Variants in PRKCE observed in about 807,000 individuals in gnomAD.
The protein encoded by PRKCE is protein kinase C epsilon, also known as protein kinase C epsilon type.
Under a neutral mutation model 85.4 loss-of-function variants are expected in PRKCE, and 16 were observed. That is an observed-to-expected ratio of 0.19 (90% CI 0.13 to 0.28). The LOEUF (loss-of-function observed/expected upper bound fraction) is 0.28, where lower values mean the gene tolerates loss of function less well. Ranked by LOEUF, PRKCE falls within the 10% of genes least tolerant of loss-of-function variation. PRKCE has a pLI of 1.00. For synonymous variants in PRKCE, 388 were observed against 371.5 expected (o/e 1.04, Z -0.51); for missense variants, 573 against 975.2 (o/e 0.59, Z 5.49).
At position 46,004,394 on chromosome 2, in the gene PRKCE, C is replaced by A; in HGVS notation, c.967-148C>A. 1 of 674,758 alleles carries A rather than the reference C, an allele frequency of 1.5e-6. No individual in the cohort carries two copies. The highest frequency in any genetic ancestry group is 2.5e-6 in the Non-Finnish European group (1 of 397,776). 41.8% of individuals were successfully genotyped at this position (674,758 alleles called of 1,614,324 possible). A position where few individuals can be genotyped will look rare whatever the true frequency, so the allele number is the denominator to read the frequency against. ...TCGAACTTCATTTTGGCTACTTTGG[C>A]GATGGCTGCAAGAGGACAGAGATCT... On this transcript the variant is annotated intron_variant, in intron 7 of 14. Coordinates refer to ENST00000306156, the MANE Select transcript of PRKCE (RefSeq NM_005400.3). This position sits in a 1 kb window ranked among gnomAD's most constrained non-coding sequence, Gnocchi z 4.1.
At chr2:45,686,246 G>A (rs1321244655) in intron 1 of PRKCE, 4 of 152,092 alleles carry the variant, frequency 2.6e-5, no homozygotes, top group African/African-American at 9.7e-5. Context: ...AAATCCCAGA[G>A]CTGAAATCAG....
intron 3 of PRKCE, among the ~76,000 whole-genome samples, chr2:45,977,000 G>A (rs1386817962): frequency 1.3e-5 from 2 of 151,766 alleles, no homozygotes; most frequent in Non-Finnish European, 2.9e-5. Context: ...AGGTTCAAGT[G>A]ATTCTCATGC....
intron 14 of PRKCE, among the ~76,000 whole-genome samples, chr2:46,174,169 G>GTGGGGAAGGGGCCTT (rs1679188332): frequency 6.6e-6 from 1 of 152,248 alleles, no homozygotes; most frequent in African/African-American, 2.4e-5. Flanking sequence ...GAAGGGGCCT[G>GTGGGGAAGGGGCCTT]TGAGGCCCAG....
intron 1 of PRKCE, among the ~76,000 whole-genome samples, chr2:45,773,927 C>A (rs1343470153): frequency 6.6e-6 from 1 of 152,226 alleles, no homozygotes; most frequent in African/African-American, 2.4e-5. Flanking sequence ...GTGGAGCAGG[C>A]CTTCAGCAAA....
intron 6 of PRKCE, among the ~76,000 whole-genome samples, chr2:45,987,928 C>T (rs1703469116): frequency 6.6e-6 from 1 of 152,210 alleles, no homozygotes; most frequent in East Asian, 1.9e-4. Flanking sequence ...GCTGCTTGTG[C>T]CCAGGTCTAA....
intron 10 of PRKCE, among the ~76,000 whole-genome samples, chr2:46,036,087 A>G (rs550822470): frequency 2.0e-5 from 3 of 152,306 alleles, no homozygotes; most frequent in Admixed American, 2.0e-4. Flanking sequence ...GGAGCCGGCC[A>G]CTCATATGCC....
chr2:45,661,251 C>T (rs902165606), intron 1 of PRKCE, among the ~76,000 whole-genome samples: 4 of 148,988 alleles, frequency 2.7e-5, no homozygotes, highest in African/African-American at 9.9e-5. Context: ...GGCATGATAT[C>T]GGATCACTGC....
chr2:45,988,422 G>GAGGGAGCATAATT (rs1703512444), intron 6 of PRKCE, among the ~76,000 whole-genome samples: 1 of 152,198 alleles, frequency 6.6e-6, no homozygotes, highest in Non-Finnish European at 1.5e-5. Context: ...CAGCCAGGTA[G>GAGGGAGCATAATT]AGGGAGCATA....
At chr2:45,763,341 A>C (rs547408334) in intron 1 of PRKCE, among the ~76,000 whole-genome samples, 1 of 152,326 alleles carries the variant, frequency 6.6e-6, no homozygotes, top group East Asian at 1.9e-4. Context: ...TTGTTAGATA[A>C]GGAACTTTTC....
At chr2:45,654,176 G>A (rs1675275388) in intron 1 of PRKCE, among the ~76,000 whole-genome samples, 1 of 152,258 alleles carries the variant, frequency 6.6e-6, no homozygotes, top group Non-Finnish European at 1.5e-5. Context: ...GAGCAGGGAT[G>A]AGGAGCAGCA....
intron 10 of PRKCE, among the ~76,000 whole-genome samples, chr2:46,059,531 A>G (rs1666911749): frequency 6.6e-6 from 1 of 152,244 alleles, no homozygotes; most frequent in Non-Finnish European, 1.5e-5. Context: ...TCTTATTCAG[A>G]AAAACTCAGG....
At chr2:45,885,001 A>ATATTTTTTTTTTTT (rs1342824133) in intron 2 of PRKCE, among the ~76,000 whole-genome samples, 2 of 71,540 alleles carry the variant, frequency 2.8e-5, no homozygotes, top group East Asian at 5.0e-4. Context: ...ATATATATAT[A>ATATTTTTTTTTTTT]TTTGTTGTTG....
intron 1 of PRKCE, among the ~76,000 whole-genome samples, chr2:45,756,782 A>T (rs1175822629): frequency 1.3e-5 from 2 of 152,230 alleles, no homozygotes; most frequent in African/African-American, 4.8e-5. Flanking sequence ...TCTATAAGAT[A>T]GGAAGTAAAA....
intron 1 of PRKCE, among the ~76,000 whole-genome samples, chr2:45,830,964 A>G (rs1444951470): frequency 2.0e-5 from 3 of 152,280 alleles, no homozygotes; most frequent in African/African-American, 7.2e-5. Flanking sequence ...TGGATTTCCA[A>G]GACAGTGGCT....
intron 11 of PRKCE, among the ~76,000 whole-genome samples, chr2:46,144,277 C>T (rs1157057558): frequency 1.3e-5 from 2 of 152,198 alleles, no homozygotes; most frequent in East Asian, 3.9e-4. Flanking sequence ...ACCTTTCCCC[C>T]ACCCAGCCTG....
At chr2:45,923,680 T>G (rs1411183388) in intron 2 of PRKCE, among the ~76,000 whole-genome samples, 2 of 152,168 alleles carry the variant, frequency 1.3e-5, no homozygotes, top group African/African-American at 4.8e-5. Context: ...AGTGCTGACT[T>G]GTGCAGCACA....
intron 2 of PRKCE, among the ~76,000 whole-genome samples, chr2:45,856,351 C>A (rs982798182): frequency 6.6e-6 from 1 of 152,194 alleles, no homozygotes; most frequent in African/African-American, 2.4e-5. Context: ...GTGCCTCAGC[C>A]TCCCGAGTAG....
Position 45,850,995 on chromosome 2 carries a change from C to T in PRKCE, c.412+7932C>T, listed in dbSNP as rs558517523. ...CAAGCAATAGACCAGTAAGCATCAT[C>T]GTGTGCTTTAGCTGTTGGGTAGCTA... On this transcript the variant is annotated intron_variant, in intron 2 of 14. Transcript: ENST00000306156. Among the ~76,000 whole-genome samples the T allele has an allele frequency of 7.9e-5, 12 of 152,340 alleles. No individual in the cohort carries two copies. In the South Asian group the frequency reaches 2.1e-3, roughly 26 times the overall value.
At chr2:45,716,618 AAGAAGG>A (rs201109416) in intron 1 of PRKCE, among the ~76,000 whole-genome samples, 1 of 147,298 alleles carries the variant, frequency 6.8e-6, no homozygotes, top group South Asian at 2.2e-4. Flanking sequence ...GAAGAAGAAG[AAGAAGG>A]AGAAGGAGAA....
Sources: allele counts gnomAD v4.1 joint callset (sites outside exome capture counted in the v4.1 genomes callset), GRCh38; gene constraint gnomAD v4.1.1; non-coding constraint Gnocchi (gnomAD v3.1); transcripts MANE v1.5; gene names NCBI Gene and HGNC (gene_info 2026-07-23, HGNC 2026-07-21).